ERAP1: variants seen among roughly 807,000 people sequenced by gnomAD.
ERAP1 encodes the protein endoplasmic reticulum aminopeptidase 1.
Under a neutral mutation model 103.7 loss-of-function variants are expected in ERAP1, and 86 were observed. The ratio of observed to expected loss-of-function variants is 0.83; its 90% CI spans 0.70 to 0.99. The LOEUF (loss-of-function observed/expected upper bound fraction) is 0.99, where lower values mean the gene tolerates loss of function less well. Among genes scored for constraint, ERAP1 ranks in the 50% least tolerant of loss-of-function variants. The probability of loss-of-function intolerance (pLI) is 0.00; values close to 1 mark genes in which losing one functional copy is unlikely to be tolerated. For synonymous variants in ERAP1, 398 were observed against 402.4 expected, an observed-to-expected ratio of 0.99 and a Z score of 0.13; for missense variants, 1,009 against 1,128.4, an observed-to-expected ratio of 0.89 and a Z score of 1.52.
chr5:96,891,571 G>GTA, the ERAP1 span, among the ~76,000 whole-genome samples: 4,570 of 132,698 alleles, frequency 0.034, 210 homozygotes, highest in East Asian at 0.15. Flanking sequence ...CACATATATG[G>GTA]TACACACACA....
chr5:96,823,490 C>T, the ERAP1 span, among the ~76,000 whole-genome samples: 1 of 152,226 alleles, frequency 6.6e-6, no homozygotes, highest in Admixed American at 6.5e-5. Flanking sequence ...CCTTAGAATC[C>T]ATTCCACACA....
chr5:96,900,540 T>G, the ERAP1 span, among the ~76,000 whole-genome samples: 1 of 152,142 alleles, frequency 6.6e-6, no homozygotes, highest in African/African-American at 2.4e-5. Flanking sequence ...ACAGTATATG[T>G]TTTTCTTTTT....
At chr5:96,765,443 G>T in intron 19 of ERAP1, 1 of 600,730 alleles carries the variant, frequency 1.7e-6, no homozygotes, top group South Asian at 2.2e-5. Context: ...TTTTAAACAT[G>T]AAATTATAAT....
the ERAP1 span, among the ~76,000 whole-genome samples, chr5:96,908,772 T>C: frequency 6.6e-6 from 1 of 152,278 alleles, no homozygotes; most frequent in African/African-American, 2.4e-5. Flanking sequence ...AGGCAATAGG[T>C]CCAGAGAGGT....
rs746217625 is a variant in ERAP1 at position 96,780,494 on chromosome 5, C to G, written c.2599G>C (p.Gly867Arg). The G allele has an allele frequency of 1.2e-6, 2 of 1,612,284 alleles. No homozygotes were observed. The highest frequency in any genetic ancestry group is 4.5e-5 in the East Asian group (2 of 44,848). Reference sequence around the variant, plus strand: ...ACCATGTGGGCTATGGAAGATGAGCCAAGTTCAAACCTAGAGAGGGAAATA... The same window carrying G: ...ACCATGTGGGCTATGGAAGATGAGCGAAGTTCAAACCTAGAGAGGGAAATA... ...WNKLVQKFEL[G>R]SSSIAHMVMG... Residue 867 changes from glycine (G) to arginine (R), a missense_variant, in exon 18 of 19, where the codon GGC (glycine) becomes CGC (arginine). Gly to Arg is a moderately radical substitution (Grantham distance 125, BLOSUM62 -2). Transcript: ENST00000443439.
intron 2 of ERAP1, among the ~76,000 whole-genome samples, chr5:96,803,109 A>G (rs26498): frequency 0.71 from 108,352 of 151,972 alleles, 39,294 homozygotes; most frequent in Non-Finnish European, 0.79. Context: ...GGAAACTAAT[A>G]CACAGTTCAG....
chr5:96,870,217 C>T, the ERAP1 span, among the ~76,000 whole-genome samples: 1 of 152,168 alleles, frequency 6.6e-6, no homozygotes, highest in South Asian at 2.1e-4. Context: ...ACAGCCAGAC[C>T]TCAGTGTTCT....
the ERAP1 span, among the ~76,000 whole-genome samples, chr5:96,897,930 C>T: frequency 3.9e-5 from 6 of 152,198 alleles, no homozygotes; most frequent in African/African-American, 1.2e-4. Context: ...GGTACAATGG[C>T]TCACGCCTGT....
At chr5:96,911,190 A>T in the ERAP1 span, among the ~76,000 whole-genome samples, 2 of 152,224 alleles carry the variant, frequency 1.3e-5, no homozygotes, top group Non-Finnish European at 2.9e-5. Flanking sequence ...TAAAAAAATC[A>T]GGATAATAAC....
At chr5:96,872,868 G>A in the ERAP1 span, among the ~76,000 whole-genome samples, 1 of 152,158 alleles carries the variant, frequency 6.6e-6, no homozygotes. Context: ...AACACCCTAA[G>A]AGGATAGAAA....
At chr5:96,813,108 T>G in the ERAP1 span, among the ~76,000 whole-genome samples, 1 of 152,204 alleles carries the variant, frequency 6.6e-6, no homozygotes, top group Non-Finnish European at 1.5e-5. Flanking sequence ...ACCCTGGTGC[T>G]TAGGAATGCT....
the ERAP1 span, among the ~76,000 whole-genome samples, chr5:96,836,176 G>GTTTTTTT: frequency 2.3e-4 from 25 of 106,644 alleles, no homozygotes; most frequent in Non-Finnish European, 2.5e-4. Flanking sequence ...CACCTCTTTG[G>GTTTTTTT]TTTTTTTTTT....
At chr5:96,841,890 C>T in the ERAP1 span, among the ~76,000 whole-genome samples, 237 of 151,948 alleles carry the variant, frequency 1.6e-3, 1 homozygote, top group African/African-American at 5.5e-3. Flanking sequence ...CACCCGTCAC[C>T]GAGCAGTGTA....
At chr5:96,933,955 A>C in the ERAP1 span, among the ~76,000 whole-genome samples, 3 of 152,322 alleles carry the variant, frequency 2.0e-5, no homozygotes, top group Admixed American at 6.5e-5. Context: ...CATTAGGGAG[A>C]TAGCAGCTCT....
the ERAP1 span, among the ~76,000 whole-genome samples, chr5:96,840,832 A>G: frequency 2.0e-4 from 31 of 151,680 alleles, no homozygotes; most frequent in African/African-American, 3.4e-4. Flanking sequence ...CAGCCTCCCA[A>G]CTGGCTGGGA....
chr5:96,843,439 A>G, the ERAP1 span, among the ~76,000 whole-genome samples: 5 of 152,320 alleles, frequency 3.3e-5, no homozygotes, highest in East Asian at 9.6e-4. Flanking sequence ...GCAAATGAAG[A>G]CTTGGCCCAT....
At chr5:96,816,411 T>C in the ERAP1 span, among the ~76,000 whole-genome samples, 1 of 152,150 alleles carries the variant, frequency 6.6e-6, no homozygotes, top group Non-Finnish European at 1.5e-5. Flanking sequence ...CAGGAACAAC[T>C]GCAGGACAGC....
the ERAP1 span, among the ~76,000 whole-genome samples, chr5:96,932,401 A>G: frequency 2.4e-3 from 361 of 152,384 alleles, 5 homozygotes; most frequent in African/African-American, 8.3e-3. Context: ...TGGAATATCA[A>G]CTAATTAAGT....
At chr5:96,880,598 G>A in the ERAP1 span, among the ~76,000 whole-genome samples, 42 of 152,350 alleles carry the variant, frequency 2.8e-4, no homozygotes, top group Non-Finnish European at 3.2e-4. Flanking sequence ...CTTCATCTGG[G>A]ACCAGAAGGA....
Sources: gnomAD v4.1 joint callset for allele counts (sites outside exome capture counted in the v4.1 genomes callset) on GRCh38, gnomAD v4.1.1 for gene constraint, MANE v1.5 for transcripts, NCBI Gene and HGNC (gene_info 2026-07-23, HGNC 2026-07-21) for gene names.